Variants in SCAMP3 observed in about 807,000 individuals in gnomAD.
The protein encoded by SCAMP3 is secretory carrier membrane protein 3.
In SCAMP3, 30 loss-of-function variants were observed where a neutral mutation model predicts 44.1. The observed-to-expected ratio is 0.68, with a 90% CI of 0.51 to 0.92. The LOEUF (loss-of-function observed/expected upper bound fraction) is 0.92. SCAMP3 is among the 40% of genes least tolerant of loss of function. The pLI is 0.00. For synonymous variants in SCAMP3, 168 were observed against 171.1 expected, an observed-to-expected ratio of 0.98 and a Z score of 0.14; for missense variants, 394 against 440.0, an observed-to-expected ratio of 0.90 and a Z score of 0.93.
At position 155,256,723 on chromosome 1, in the gene SCAMP3, G is replaced by A. The variant is rs774905309; in HGVS notation, c.848C>T (p.Ala283Val). Residue 283 changes from alanine (A) to valine (V), a missense_variant, in exon 8 of 9, where the codon GCC becomes GTC. Transcript: ENST00000302631. Reference sequence around the variant, plus strand: ...CACAGCAATGCCAGTGAAGAGCAGGGCGACCAGCAGCATGAGCACGGATAC... The same window carrying A: ...CACAGCAATGCCAGTGAAGAGCAGGACGACCAGCAGCATGAGCACGGATAC... ...TAVSVLMLLV[A>V]LLFTGIAVLG... 2.5e-6 allele frequency: 4 copies of A among 1,614,220 alleles called. No individual in the cohort carries two copies. In the Admixed American group the frequency reaches 6.7e-5, roughly 27 times the overall value.
At chr1:155,257,897 T>G (rs1672848809) in intron 5 of SCAMP3, among the ~76,000 whole-genome samples, 1 of 152,046 alleles carries the variant, frequency 6.6e-6, no homozygotes, top group South Asian at 2.1e-4. Context: ...CAGGCTGGAG[T>G]GCAGTGGCGC....
intron 3 of SCAMP3, 28 bp from the exon 4 acceptor site, chr1:155,260,478 G>A (rs376779128): frequency 1.1e-5 from 18 of 1,614,076 alleles, no homozygotes; most frequent in Non-Finnish European, 1.5e-5. Context: ...ACGGAGATGT[G>A]AGCCCTGGGC....
intron 4 of SCAMP3, 23 bp downstream of exon 4, chr1:155,260,307 C>T: frequency 6.2e-7 from 1 of 1,607,338 alleles, no homozygotes; most frequent in Non-Finnish European, 8.5e-7. Flanking sequence ...CTCTCAGATG[C>T]TCTTCCCCAC....
chr1:155,261,780 G>A (rs780544563), intron 1 of SCAMP3, 46 bp from the exon 2 acceptor site: 6 of 1,571,798 alleles, frequency 3.8e-6, no homozygotes, highest in Non-Finnish European at 4.4e-6. Flanking sequence ...GTGCCACCTA[G>A]GGGAATTCCC....
intron 2 of SCAMP3, among the ~76,000 whole-genome samples, chr1:155,261,012 C>T (rs1444200390): frequency 1.3e-5 from 2 of 151,862 alleles, no homozygotes; most frequent in Non-Finnish European, 2.9e-5. Context: ...ATCGAAGCCT[C>T]AAACTCCTGG....
chr1:155,257,875 G>C (rs555438734), intron 5 of SCAMP3, among the ~76,000 whole-genome samples: 8 of 151,994 alleles, frequency 5.3e-5, no homozygotes, highest in Non-Finnish European at 5.9e-5. Flanking sequence ...GACGGAGTCT[G>C]GCTCTGTCGC....
chr1:155,261,860 T>C, intron 1 of SCAMP3, 126 bp from the exon 2 acceptor site: 1 of 927,658 alleles, frequency 1.1e-6, no homozygotes, highest in Non-Finnish European at 1.7e-6. Flanking sequence ...GTCCCAGGAC[T>C]GGGACAACAT....
At chr1:155,260,827 G>C (rs1207611255) in intron 2 of SCAMP3, among the ~76,000 whole-genome samples, 168 bp from the exon 3 acceptor site, 1 of 151,992 alleles carries the variant, frequency 6.6e-6, no homozygotes, top group East Asian at 1.9e-4. Context: ...ACTCTATGAT[G>C]ACCTGTAGCA....
At chr1:155,261,427 C>T in intron 2 of SCAMP3, 1 of 574,500 alleles carries the variant, frequency 1.7e-6, no homozygotes, top group South Asian at 2.1e-5. Flanking sequence ...GCCTTGCCAG[C>T]CTCCAGATCT....
intron 4 of SCAMP3, among the ~76,000 whole-genome samples, chr1:155,259,555 G>A (rs1172656238): frequency 6.6e-6 from 1 of 151,954 alleles, no homozygotes; most frequent in African/African-American, 2.4e-5. Flanking sequence ...TTTGGAGGCA[G>A]GATCTCACTA....
Sources: allele counts gnomAD v4.1 joint callset (sites outside exome capture counted in the v4.1 genomes callset), GRCh38; gene constraint gnomAD v4.1.1; transcripts MANE v1.5; gene names NCBI Gene and HGNC (gene_info 2026-07-23, HGNC 2026-07-21).